CARMIL1: variants seen among roughly 807,000 people sequenced by gnomAD.
CARMIL1 encodes the protein F-actin-uncapping protein LRRC16A.
CARMIL1 carries 90 observed loss-of-function variants against 177.1 expected under a neutral mutation model. The observed-to-expected ratio is 0.51, with a 90% CI of 0.43 to 0.61. The LOEUF is 0.61. CARMIL1 is among the 20% of genes least tolerant of loss of function. CARMIL1 has a pLI of 0.00. For synonymous variants in CARMIL1, 577 were observed against 606.2 expected (o/e 0.95, Z 0.71); for missense variants, 1,380 against 1,667.0 (o/e 0.83, Z 3.00).
intron 2 of CARMIL1, among the ~76,000 whole-genome samples, chr6:25,405,831 G>A (rs1331416845): frequency 6.6e-6 from 1 of 152,216 alleles, no homozygotes; most frequent in Non-Finnish European, 1.5e-5. Context: ...CAGGAAGGAT[G>A]TGTCAATTAT....
intron 23 of CARMIL1, among the ~76,000 whole-genome samples, chr6:25,524,207 A>G (rs1806868347): frequency 6.6e-6 from 1 of 152,168 alleles, no homozygotes; most frequent in African/African-American, 2.4e-5. Context: ...TGAAAAGGAT[A>G]AGAAATATTT....
At chr6:25,479,214 TAAC>T (rs753602836) in intron 11 of CARMIL1, 5 of 518,938 alleles carry the variant, frequency 9.6e-6, no homozygotes, top group African/African-American at 9.6e-5. Flanking sequence ...TTGGAAAAGA[TAAC>T]TACTATTCTG....
intron 8 of CARMIL1, among the ~76,000 whole-genome samples, chr6:25,459,277 T>TCTTCC (rs1450322009): frequency 7.2e-6 from 1 of 139,688 alleles, no homozygotes; most frequent in Non-Finnish European, 1.6e-5. Flanking sequence ...TTTTTTTTTT[T>TCTTCC]TTTAAGACAG....
rs770429847 is a variant in CARMIL1 at position 25,600,531 on chromosome 6, G to C, written c.3337G>C (p.Ala1113Pro). ...PVDCPRKDTKAAEHNGNSERI... is the reference protein window; with the variant it reads ...PVDCPRKDTKPAEHNGNSERI... The stretch of plus-strand genomic sequence containing the variant: ...GGACTGTCCCAGGAAGGACACAAAG[G>C]CCGCCGAGCACAATGGCAATTCTGA... Residue 1113 changes from alanine to proline, a missense_variant, in exon 33 of 37, where the codon GCC becomes CCC. Ala to Pro is a conservative substitution (Grantham distance 27). Transcript: ENST00000329474. 4 of 1,613,896 alleles carry C rather than the reference G, an allele frequency of 2.5e-6. No homozygotes were observed. The highest frequency in any genetic ancestry group is 1.1e-5 in the South Asian group (1 of 91,086).
chr6:25,537,817 G>A (rs1462824250), intron 24 of CARMIL1, 38 bp from the exon 25 acceptor site: 2 of 1,606,616 alleles, frequency 1.2e-6, no homozygotes, highest in Non-Finnish European at 1.7e-6. Flanking sequence ...TATCGGCTGG[G>A]CTGACTTGGA....
At chr6:25,591,038 C>A (rs1035280912) in intron 31 of CARMIL1, among the ~76,000 whole-genome samples, 1 of 152,144 alleles carries the variant, frequency 6.6e-6, no homozygotes, top group Non-Finnish European at 1.5e-5. Flanking sequence ...ATGCACATAA[C>A]ATTCCATGAT....
At chr6:25,446,979 C>A (rs974547517) in intron 5 of CARMIL1, among the ~76,000 whole-genome samples, 2 of 152,156 alleles carry the variant, frequency 1.3e-5, no homozygotes, top group African/African-American at 4.8e-5. Flanking sequence ...GGGTGTGATT[C>A]ATGGTCCCCC....
chr6:25,464,102 G>A (rs916456880), intron 8 of CARMIL1, among the ~76,000 whole-genome samples: 3 of 152,068 alleles, frequency 2.0e-5, no homozygotes, highest in Admixed American at 1.3e-4. Flanking sequence ...GATTACAGGC[G>A]TGAGCCACTG....
At chr6:25,453,178 G>A (rs1366444024) in intron 8 of CARMIL1, among the ~76,000 whole-genome samples, 1 of 151,880 alleles carries the variant, frequency 6.6e-6, no homozygotes, top group East Asian at 1.9e-4. Flanking sequence ...CAGAGGTGTT[G>A]AGCTCATAGT....
chr6:25,359,552 G>T (rs1447581176), intron 2 of CARMIL1, among the ~76,000 whole-genome samples: 1 of 152,206 alleles, frequency 6.6e-6, no homozygotes, highest in African/African-American at 2.4e-5. Context: ...TAGTATTTGG[G>T]GCATGTGGGT....
At chr6:25,355,379 A>G (rs1788494998) in intron 2 of CARMIL1, among the ~76,000 whole-genome samples, 2 of 152,188 alleles carry the variant, frequency 1.3e-5, no homozygotes. Context: ...CAGGTGGCTC[A>G]TGTCTGTAAT....
At chr6:25,580,233 G>A (rs2151248735) in intron 29 of CARMIL1, among the ~76,000 whole-genome samples, 1 of 152,342 alleles carries the variant, frequency 6.6e-6, no homozygotes, top group East Asian at 1.9e-4. Flanking sequence ...TGACATTTGT[G>A]TGATCCTATT....
intron 29 of CARMIL1, among the ~76,000 whole-genome samples, chr6:25,576,396 C>G (rs1188892996): frequency 6.6e-6 from 1 of 152,236 alleles, no homozygotes; most frequent in Admixed American, 6.5e-5. Flanking sequence ...GTCATCAGAT[C>G]TTTTCCTGAA....
intron 2 of CARMIL1, among the ~76,000 whole-genome samples, chr6:25,340,055 A>T (rs2690088): frequency 0.43 from 65,168 of 151,938 alleles, 14,182 homozygotes; most frequent in African/African-American, 0.51. Flanking sequence ...TCGGCTCCTT[A>T]TTACTTTTCC....
At chr6:25,500,135 T>C (rs905274072) in intron 16 of CARMIL1, 31 bp from the exon 17 acceptor site, 5 of 1,597,350 alleles carry the variant, frequency 3.1e-6, no homozygotes, top group Non-Finnish European at 4.3e-6. Flanking sequence ...GTGTGGAATG[T>C]GTATCTAATA....
At chr6:25,546,292 G>A (rs1378282046) in intron 26 of CARMIL1, among the ~76,000 whole-genome samples, 3 of 152,056 alleles carry the variant, frequency 2.0e-5, no homozygotes, top group Non-Finnish European at 2.9e-5. Flanking sequence ...AATTAAAAAC[G>A]AAGAAAAATT....
chr6:25,292,588 C>T (rs1782060017), intron 2 of CARMIL1, among the ~76,000 whole-genome samples: 1 of 152,170 alleles, frequency 6.6e-6, no homozygotes, highest in Admixed American at 6.5e-5. Context: ...ACCTGAGCTG[C>T]ATTTACATTC....
chr6:25,538,782 G>T (rs2151128742), intron 25 of CARMIL1, among the ~76,000 whole-genome samples: 1 of 152,262 alleles, frequency 6.6e-6, no homozygotes, highest in South Asian at 2.1e-4. Flanking sequence ...GATAGGGGAG[G>T]TTGCCAGAGG....
intron 1 of CARMIL1, among the ~76,000 whole-genome samples, chr6:25,281,549 T>C (rs1781119897): frequency 6.6e-6 from 1 of 152,226 alleles, no homozygotes; most frequent in African/African-American, 2.4e-5. Flanking sequence ...TTGTATATTT[T>C]AAAAGTTGAG....
Sources: allele counts gnomAD v4.1 joint callset (sites outside exome capture counted in the v4.1 genomes callset), GRCh38; gene constraint gnomAD v4.1.1; transcripts MANE v1.5; gene names NCBI Gene and HGNC (gene_info 2026-07-23, HGNC 2026-07-21).